The following MRPS31 variants were observed in gnomAD, a reference collection of about 807,000 sequenced individuals.
The protein encoded by MRPS31 is mitochondrial ribosomal protein S31.
A neutral mutation model predicts 43.1 loss-of-function variants in MRPS31; 32 were observed. The observed-to-expected ratio is 0.74, with a 90% CI of 0.56 to 1.00. The LOEUF (loss-of-function observed/expected upper bound fraction) is 1.00. Ranked by LOEUF, MRPS31 falls within the 50% of genes least tolerant of loss-of-function variation. The probability of loss-of-function intolerance (pLI) is 0.00; values close to 1 mark genes in which losing one functional copy is unlikely to be tolerated. For missense variants in MRPS31, 437 were observed against 466.7 expected, an observed-to-expected ratio of 0.94 and a Z score of 0.59; for synonymous variants, 165 against 161.6, an observed-to-expected ratio of 1.02 and a Z score of -0.16.
intron 6 of MRPS31, among the ~76,000 whole-genome samples, chr13:40,746,617 A>G (rs1880246375): frequency 6.6e-6 from 1 of 152,186 alleles, no homozygotes; most frequent in South Asian, 2.1e-4. Context: ...TGATCACTCA[A>G]GATTTTGATG....
In MRPS31 at chr13:40,729,276, G is replaced by A; in HGVS notation, c.*96C>T. The A allele has an allele frequency of 1.5e-6, 1 of 654,498 alleles. No homozygotes were observed. Among genetic ancestry groups the A allele is most frequent in the South Asian group, 2.5e-5 (1 of 40,428 alleles). The allele number at this position is 654,498 out of a possible 1,614,324, so 40.5% of individuals were successfully genotyped here. ...AACATTTATACCAGCCAAATCAAAT[G>A]TAATAATCAACATAACATATACAAA... On this transcript the variant is annotated 3_prime_UTR_variant, in exon 7 of 7. Coordinates refer to ENST00000323563, the MANE Select transcript of MRPS31 (RefSeq NM_005830.4).
At chr13:40,741,063 T>A (rs1487721266) in intron 6 of MRPS31, among the ~76,000 whole-genome samples, 1 of 151,588 alleles carries the variant, frequency 6.6e-6, no homozygotes, top group East Asian at 1.9e-4. Flanking sequence ...GTAATATATC[T>A]ACATTGGAAG....
chr13:40,756,372 A>G (rs1172438127), intron 4 of MRPS31, among the ~76,000 whole-genome samples: 1 of 152,218 alleles, frequency 6.6e-6, no homozygotes, highest in African/African-American at 2.4e-5. Context: ...AGTAAATTCA[A>G]ATGGCCACAA....
chr13:40,755,277 C>G (rs1237651519), intron 4 of MRPS31, among the ~76,000 whole-genome samples: 1 of 152,210 alleles, frequency 6.6e-6, no homozygotes, highest in East Asian at 1.9e-4. Context: ...GCATTCTTCT[C>G]CCTCAACCGC....
chr13:40,765,882 T>C (rs1428543981), intron 2 of MRPS31, among the ~76,000 whole-genome samples: 1 of 152,202 alleles, frequency 6.6e-6, no homozygotes, highest in Non-Finnish European at 1.5e-5. Flanking sequence ...GTATCACTGA[T>C]TGCATTTAGA....
chr13:40,729,413 T>C lies in MRPS31; in HGVS notation c.1147A>G (p.Lys383Glu). The C allele has an allele frequency of 6.4e-7, 1 of 1,571,608 alleles. No homozygotes were observed. Among genetic ancestry groups the C allele is most frequent in the Non-Finnish European group, 8.7e-7 (1 of 1,146,642 alleles). Residue 383 changes from lysine to glutamate, a missense_variant, in exon 7 of 7, where the codon AAA becomes GAA. Coordinates refer to ENST00000323563, the MANE Select transcript of MRPS31 (RefSeq NM_005830.4). ...IEWFRNYFNE[K>E]KDILKESNIQ... is the part of the protein sequence containing the mutation. ...TTACTTTCTTTTAGAATATCCTTTTTTTCATTAAAATAATTTCTAAACCAC... is the reference window on the plus strand; with the variant it reads ...TTACTTTCTTTTAGAATATCCTTTTCTTCATTAAAATAATTTCTAAACCAC...
At chr13:40,740,425 C>A (rs1441199556) in intron 6 of MRPS31, among the ~76,000 whole-genome samples, 2 of 128,366 alleles carry the variant, frequency 1.6e-5, no homozygotes, top group East Asian at 2.7e-4. Flanking sequence ...ACCCAGCCAT[C>A]CCATTACTGG....
intron 1 of MRPS31, among the ~76,000 whole-genome samples, chr13:40,768,331 C>G (rs1049557548): frequency 6.6e-6 from 1 of 152,106 alleles, no homozygotes; most frequent in Non-Finnish European, 1.5e-5. Context: ...TGCTACAGCA[C>G]TGCTTCTCAA....
chr13:40,759,331 G>A (rs555628140), intron 2 of MRPS31, among the ~76,000 whole-genome samples: 9 of 152,164 alleles, frequency 5.9e-5, no homozygotes, highest in East Asian at 5.8e-4. Context: ...CCGGCTACTC[G>A]GGAGGCTGAG....
At chr13:40,752,059 C>T (rs1330713651) in intron 5 of MRPS31, among the ~76,000 whole-genome samples, 15 of 151,614 alleles carry the variant, frequency 9.9e-5, no homozygotes, top group Non-Finnish European at 2.1e-4. Flanking sequence ...CAGTTTTGCT[C>T]GTCACTTAGG....
At chr13:40,735,905 C>G (rs1879888218) in intron 6 of MRPS31, among the ~76,000 whole-genome samples, 1 of 150,916 alleles carries the variant, frequency 6.6e-6, no homozygotes, top group South Asian at 2.1e-4. Flanking sequence ...CAGCTCCTCA[C>G]CAGCAACGGA....
intron 6 of MRPS31, among the ~76,000 whole-genome samples, chr13:40,737,483 T>C (rs1336066964): frequency 6.6e-6 from 1 of 151,982 alleles, no homozygotes; most frequent in Non-Finnish European, 1.5e-5. Flanking sequence ...AATATACATT[T>C]TTTTCAGCAC....
rs367835054 is a variant in MRPS31 at position 40,766,738 on chromosome 13, A to C, written c.440+8T>G. 97 of 1,571,552 alleles carry C rather than the reference A, an allele frequency of 6.2e-5. No individual in the cohort carries two copies. Among genetic ancestry groups the C allele is most frequent in the Non-Finnish European group, 7.7e-5 (89 of 1,162,162 alleles). ...TTCAAACAACATCTGAATTACAATTAAATTTACCTCTTCTTTGGAGCATAT... is the reference window on the plus strand; with the variant it reads ...TTCAAACAACATCTGAATTACAATTCAATTTACCTCTTCTTTGGAGCATAT... On this transcript the variant is annotated splice_region_variant and intron_variant, in intron 2 of 6. Coordinates refer to ENST00000323563, the MANE Select transcript of MRPS31 (RefSeq NM_005830.4).
chr13:40,735,287 C>G (rs184158904), intron 6 of MRPS31, among the ~76,000 whole-genome samples: 2 of 152,200 alleles, frequency 1.3e-5, no homozygotes, highest in East Asian at 3.9e-4. Flanking sequence ...CCTACGCCCA[C>G]GGAGTCTCGC....
At chr13:40,770,763 A>C (rs1281773102) in intron 1 of MRPS31, 3 of 537,408 alleles carry the variant, frequency 5.6e-6, no homozygotes, top group African/African-American at 3.9e-5. Context: ...GATGATGACA[A>C]GAGGAATGAG....
In MRPS31 at chr13:40,769,356, C is replaced by G. The variant is rs571559496; in HGVS notation, c.152+1629G>C. 3.9e-4 allele frequency among the ~76,000 whole-genome samples: 48 copies of G among 123,568 alleles called. 1 individual carries two copies. The South Asian group carries it at 0.012, about 30-fold the overall frequency. 81.1% of individuals were successfully genotyped at this position (123,568 alleles called of 152,430 possible). On this transcript the variant is annotated intron_variant, in intron 1 of 6. Coordinates refer to ENST00000323563, the MANE Select transcript of MRPS31 (RefSeq NM_005830.4). ...ACACACTGCACTCCAGCCTAAGCGA[C>G]AGAGCAAGACTCTGTCCATATATAT...
At chr13:40,762,390 A>T (rs1274271414) in intron 2 of MRPS31, among the ~76,000 whole-genome samples, 1 of 151,934 alleles carries the variant, frequency 6.6e-6, no homozygotes, top group Non-Finnish European at 1.5e-5. Context: ...CTTTGCTCAA[A>T]TGTTACCTTA....
chr13:40,750,000 G>C (rs139132937), intron 5 of MRPS31, among the ~76,000 whole-genome samples: 1 of 152,100 alleles, frequency 6.6e-6, no homozygotes. Context: ...CAACATAGTC[G>C]TTTCATCCCT....
intron 6 of MRPS31, among the ~76,000 whole-genome samples, chr13:40,736,944 A>G (rs1275922370): frequency 1.3e-5 from 2 of 150,990 alleles, no homozygotes; most frequent in African/African-American, 4.9e-5. Context: ...TTAACCTTAA[A>G]TGTAAATGGA....
Sources: allele counts gnomAD v4.1 joint callset (sites outside exome capture counted in the v4.1 genomes callset), GRCh38; gene constraint gnomAD v4.1.1; transcripts MANE v1.5; gene names NCBI Gene and HGNC (gene_info 2026-07-23, HGNC 2026-07-21).